KIF13B: variants seen among roughly 807,000 people sequenced by gnomAD.
KIF13B encodes the protein kinesin family member 13B.
KIF13B carries 127 observed loss-of-function variants against 222.0 expected under a neutral mutation model. The observed-to-expected ratio is 0.57, with a 90% CI of 0.50 to 0.66. The LOEUF is 0.66. Ranked by LOEUF, KIF13B falls within the 30% of genes least tolerant of loss-of-function variation. The pLI, the probability that KIF13B is intolerant of heterozygous loss-of-function variation, is 0.00. For synonymous variants in KIF13B, 976 were observed against 919.0 expected (o/e 1.06, Z -1.12); for missense variants, 2,173 against 2,379.0 (o/e 0.91, Z 1.80).
chr8:29,189,529 C>T (rs1255447988), intron 4 of KIF13B: 1 of 152,146 alleles, frequency 6.6e-6, no homozygotes, highest in African/African-American at 2.4e-5. Flanking sequence ...TTGAGACAGT[C>T]ATCATTTAGA....
chr8:29,232,830 C>T (rs560816779), intron 2 of KIF13B, among the ~76,000 whole-genome samples: 1 of 152,274 alleles, frequency 6.6e-6, no homozygotes, highest in East Asian at 1.9e-4. Context: ...TACCACTGCC[C>T]ACTCTCTCAC....
chr8:29,070,497 C>T lies in KIF13B; in HGVS notation c.*7G>A. ...ACCCCCAGAAAAGTTCGCCCTAAGG[C>T]AGCGGCTCAGCTGGCCCAGGATTTC... On this transcript the variant is annotated 3_prime_UTR_variant, in exon 40 of 40. Transcript: ENST00000524189. This position sits in a 1 kb window ranked among gnomAD's most constrained non-coding sequence, Gnocchi z 4.1. 12 of 1,609,552 alleles carry T rather than the reference C, an allele frequency of 7.5e-6. No homozygotes were observed. The highest frequency in any genetic ancestry group is 9.3e-6 in the Non-Finnish European group (11 of 1,178,380).
chr8:29,149,271 G>A (rs994154769), intron 15 of KIF13B, among the ~76,000 whole-genome samples: 2 of 152,146 alleles, frequency 1.3e-5, no homozygotes, highest in Non-Finnish European at 2.9e-5. Flanking sequence ...CAGTTTACAC[G>A]TCATTTAATT....
chr8:29,241,202 A>G (rs1374075164), intron 2 of KIF13B, among the ~76,000 whole-genome samples: 1 of 152,224 alleles, frequency 6.6e-6, no homozygotes, highest in Non-Finnish European at 1.5e-5. Flanking sequence ...AGACCACATC[A>G]TGTATGATTT....
rs76514217 is a variant in KIF13B, at chr8:29,133,711, T to C, written c.2784+329A>G. Among the ~76,000 whole-genome samples the C allele has an allele frequency of 7.7e-3, 1,178 of 152,366 alleles. 12 individuals carry two copies. The highest frequency in any genetic ancestry group is 0.026 in the African/African-American group (1,091 of 41,588). ...ATTCGGTGCTCAATAAAGTTAGTTC[T>C]TCTCTGTTACCTGTGTTCACTTTCT... On this transcript the variant is annotated intron_variant, in intron 22 of 39. Coordinates refer to ENST00000524189, the MANE Select transcript of KIF13B (RefSeq NM_015254.4).
intron 14 of KIF13B, 68 bp from the exon 15 acceptor site, chr8:29,150,451 T>C (rs1017104163): frequency 2.7e-6 from 2 of 754,360 alleles, no homozygotes; most frequent in Non-Finnish European, 4.5e-6. Flanking sequence ...AATTTCCCAA[T>C]AACATAGAGA....
intron 2 of KIF13B, among the ~76,000 whole-genome samples, chr8:29,236,777 G>A (rs760509458): frequency 1.3e-5 from 2 of 152,038 alleles, no homozygotes; most frequent in Non-Finnish European, 2.9e-5. Flanking sequence ...AGTTCTAAAC[G>A]CTTTTCTTTG....
intron 2 of KIF13B, among the ~76,000 whole-genome samples, chr8:29,223,035 T>C (rs1814829076): frequency 6.6e-6 from 1 of 151,846 alleles, no homozygotes; most frequent in Admixed American, 6.6e-5. Context: ...TAAATCTATA[T>C]GGCTGGGAGC....
In KIF13B at chr8:29,070,705, CAGCCCGT is replaced by C. The variant is rs1807223045; in HGVS notation, c.5273_5279del (p.Tyr1758CysfsTer45). On this transcript the variant is annotated frameshift_variant, in exon 40 of 40. Coordinates refer to ENST00000524189, the MANE Select transcript of KIF13B (RefSeq NM_015254.4). LOFTEE classifies it high-confidence loss of function. This position sits in a 1 kb window ranked among gnomAD's most constrained non-coding sequence, Gnocchi z 4.1. ...TGCGGACCCGGCTGGGCCTGACCAG[CAGCCCGT>C]AGCCAGGGTTACACCTGAAGTACTG... The C allele has an allele frequency of 6.4e-7, 1 of 1,561,432 alleles. No homozygotes were observed. The highest frequency in any genetic ancestry group is 8.7e-7 in the Non-Finnish European group (1 of 1,153,388).
intron 13 of KIF13B, among the ~76,000 whole-genome samples, chr8:29,159,887 C>T (rs1811698483): frequency 6.6e-6 from 1 of 152,252 alleles, no homozygotes; most frequent in Admixed American, 6.5e-5. Flanking sequence ...AATGAAACCA[C>T]ACAATTCTCT....
Position 29,176,097 on chromosome 8 carries a change from G to A in KIF13B, c.916C>T (p.Arg306Cys). Residue 306 changes from arginine to cysteine, a missense_variant, in exon 10 of 40, where the codon CGT (arginine) becomes TGT (cysteine). This residue lies in a region of KIF13B where 1,480 missense variants were observed against 1,722.8 expected (regional missense o/e 0.86). Coordinates refer to ENST00000524189, the MANE Select transcript of KIF13B (RefSeq NM_015254.4). Reference protein sequence around the residue: ...GKNKNKFVPYRDSVLTWLLKD... With the variant: ...GKNKNKFVPYCDSVLTWLLKD... ...AGCAGCCAAGTGAGAACTGAGTCAC[G>A]ATATGGAACAAATTTATTCTTGTTT... is the stretch of plus-strand genomic sequence containing the variant. 1 of 1,612,704 alleles carries A rather than the reference G, an allele frequency of 6.2e-7. No individual in the cohort carries two copies. Among genetic ancestry groups the A allele is most frequent in the Non-Finnish European group, 8.5e-7 (1 of 1,178,902 alleles).
At chr8:29,167,322 G>A (rs1812047437) in intron 11 of KIF13B, 51 bp downstream of exon 11, 1 of 1,462,370 alleles carries the variant, frequency 6.8e-7, no homozygotes, top group African/African-American at 1.4e-5. Context: ...TCAAGCTCTA[G>A]GCTGATTCCT....
chr8:29,260,897 C>T (rs943758192), intron 1 of KIF13B, among the ~76,000 whole-genome samples: 4 of 152,170 alleles, frequency 2.6e-5, no homozygotes, highest in Non-Finnish European at 5.9e-5. Context: ...GGATTATAAG[C>T]GTAAGCCACC....
chr8:29,078,144 A>AG, intron 37 of KIF13B, among the ~76,000 whole-genome samples: 1 of 150,656 alleles, frequency 6.6e-6, no homozygotes, highest in East Asian at 1.9e-4. Flanking sequence ...AAAAAAAAAA[A>AG]ATTAGCAGGG....
At chr8:29,156,025 A>G (rs1236195364) in intron 13 of KIF13B, among the ~76,000 whole-genome samples, 169 bp from the exon 14 acceptor site, 2 of 151,996 alleles carry the variant, frequency 1.3e-5, no homozygotes, top group Non-Finnish European at 2.9e-5. Context: ...CTGGAAGGCA[A>G]TGGTGCAATC....
At chr8:29,103,967 T>C (rs1178605466) in intron 35 of KIF13B, among the ~76,000 whole-genome samples, 1 of 152,194 alleles carries the variant, frequency 6.6e-6, no homozygotes, top group Non-Finnish European at 1.5e-5. Flanking sequence ...CAATGAGCCC[T>C]GCAGCGTTGC....
chr8:29,109,847 TAC>T (rs758171662), intron 33 of KIF13B, 69 bp downstream of exon 33: 37 of 1,441,834 alleles, frequency 2.6e-5, no homozygotes, highest in Non-Finnish European at 3.3e-5. Flanking sequence ...CACTGTGAAT[TAC>T]AGAGTCAAAC....
intron 2 of KIF13B, among the ~76,000 whole-genome samples, chr8:29,197,361 A>AAAAAAAAAAAT (rs1813486729): frequency 7.4e-6 from 1 of 135,310 alleles, no homozygotes; most frequent in Non-Finnish European, 1.6e-5. Flanking sequence ...AAAAAAAAAA[A>AAAAAAAAAAAT]CTCAATATAT....
chr8:29,134,025 G>A lies in KIF13B; in HGVS notation c.2784+15C>T, dbSNP rs778348807. 6.2e-7 allele frequency: 1 copy of A among 1,608,148 alleles called. No homozygotes were observed. Among genetic ancestry groups the A allele is most frequent in the East Asian group, 2.2e-5 (1 of 44,796 alleles). ...AGTAATCTAAATGCTGACCTACTCT[G>A]GAAAACAAACTCACATTGCAATGAT... On this transcript the variant is annotated intron_variant, in intron 22 of 39. Transcript: ENST00000524189.
Sources: gnomAD v4.1 joint callset for allele counts (sites outside exome capture counted in the v4.1 genomes callset) on GRCh38, gnomAD v4.1.1 for gene constraint, gnomAD v4.1.1 regional missense constraint, Gnocchi (gnomAD v3.1) non-coding constraint, MANE v1.5 for transcripts, NCBI Gene and HGNC (gene_info 2026-07-23, HGNC 2026-07-21) for gene names.